The following WDR72 variants were observed in gnomAD, a reference collection of about 807,000 sequenced individuals.
WDR72 encodes the protein WD repeat-containing protein 72.
Under a neutral mutation model 124.2 loss-of-function variants are expected in WDR72, and 120 were observed. The observed-to-expected ratio is 0.97, with a 90% CI of 0.83 to 1.12. The LOEUF is 1.12. WDR72 is among the 50% of genes most tolerant of loss of function. The pLI is 0.00. For synonymous variants in WDR72, 452 were observed against 441.7 expected (o/e 1.02, Z -0.29); for missense variants, 1,387 against 1,278.8 (o/e 1.08, Z -1.29).
At chr15:53,528,292 T>C (rs1016462335) in intron 18 of WDR72, among the ~76,000 whole-genome samples, 2 of 152,070 alleles carry the variant, frequency 1.3e-5, no homozygotes, top group Non-Finnish European at 2.9e-5. Context: ...TTCCTGATTA[T>C]ATTTGAATAG....
intron 13 of WDR72, among the ~76,000 whole-genome samples, chr15:53,674,413 T>C (rs1043081314): frequency 9.2e-5 from 14 of 152,148 alleles, no homozygotes; most frequent in Admixed American, 5.9e-4. Context: ...CAGAAACACA[T>C]ATGGAGATCG....
At chr15:53,713,178 A>G (rs2017596319) in intron 6 of WDR72, among the ~76,000 whole-genome samples, 2 of 132,374 alleles carry the variant, frequency 1.5e-5, no homozygotes, top group Admixed American at 1.7e-4. Flanking sequence ...TAAAAAATAT[A>G]GGATGTATTT....
chr15:53,602,830 A>C (rs1159069493), intron 17 of WDR72, among the ~76,000 whole-genome samples: 1 of 152,140 alleles, frequency 6.6e-6, no homozygotes, highest in Non-Finnish European at 1.5e-5. Context: ...TCTGAAACTG[A>C]GGCAGTTAAA....
intron 8 of WDR72, 41 bp downstream of exon 8, chr15:53,711,295 T>G: frequency 6.2e-7 from 1 of 1,613,904 alleles, no homozygotes; most frequent in Non-Finnish European, 8.5e-7. Context: ...AAGTTCATTT[T>G]CTACCTGAAT....
chr15:53,627,045 G>A (rs1441007065), intron 14 of WDR72, among the ~76,000 whole-genome samples: 1 of 152,112 alleles, frequency 6.6e-6, no homozygotes, highest in Non-Finnish European at 1.5e-5. Context: ...TTTAGAAATT[G>A]TCTGATTTGA....
At position 53,529,584 on chromosome 15, in the gene WDR72, G is replaced by C. The variant is rs751798308; in HGVS notation, c.3149-6262C>G. Among the ~76,000 whole-genome samples the C allele has an allele frequency of 3.3e-5, 5 of 152,050 alleles. No homozygotes were observed. In the East Asian group the frequency reaches 7.7e-4, roughly 24 times the overall value. On this transcript the variant is annotated intron_variant, in intron 18 of 19. Transcript: ENST00000360509. ...GGAAGATTGGCATTTTCCTAAAAGAGAAAGTGTTCCTTCTTGGTTTCAGTT... is the reference window on the plus strand; with the variant it reads ...GGAAGATTGGCATTTTCCTAAAAGACAAAGTGTTCCTTCTTGGTTTCAGTT...
chr15:53,533,885 ATT>A (rs1017082365), intron 18 of WDR72, among the ~76,000 whole-genome samples: 3 of 151,912 alleles, frequency 2.0e-5, no homozygotes, highest in African/African-American at 7.3e-5. Context: ...AGTTAACATT[ATT>A]TTTTCTCCTC....
At chr15:53,681,827 CAATT>C (rs2016396574) in intron 13 of WDR72, among the ~76,000 whole-genome samples, 1 of 151,760 alleles carries the variant, frequency 6.6e-6, no homozygotes, top group Admixed American at 6.6e-5. Flanking sequence ...AATAATATCT[CAATT>C]AAAATGCACA....
At chr15:53,681,347 C>T (rs1384781913) in intron 13 of WDR72, among the ~76,000 whole-genome samples, 3 of 152,130 alleles carry the variant, frequency 2.0e-5, no homozygotes, top group African/African-American at 4.8e-5. Flanking sequence ...AACCCACTAA[C>T]GTTCCAAGTG....
At chr15:53,745,661 C>T (rs990519883) in intron 1 of WDR72, among the ~76,000 whole-genome samples, 1 of 152,108 alleles carries the variant, frequency 6.6e-6, no homozygotes, top group African/African-American at 2.4e-5. Flanking sequence ...ATGAGACATG[C>T]TTATAGAAAA....
At chr15:53,721,543 T>C (rs986357216) in intron 3 of WDR72, among the ~76,000 whole-genome samples, 22 of 152,184 alleles carry the variant, frequency 1.4e-4, no homozygotes, top group South Asian at 2.1e-4. Flanking sequence ...TTTAGACTTA[T>C]CCAAAGTTCA....
rs373985050 is a variant in WDR72 at position 53,515,485 on chromosome 15, G to A, written c.*2214C>T. 8 of 152,252 alleles carry A rather than the reference G, an allele frequency of 5.3e-5. No individual in the cohort carries two copies. The highest frequency in any genetic ancestry group is 1.7e-4 in the African/African-American group (7 of 41,556). 9.4% of individuals were successfully genotyped at this position (152,252 alleles called of 1,614,324 possible). ...GAATTTGTGTCATAAACACACTTGC[G>A]TATGGATATTAGGAGAGCATTGCTT... On this transcript the variant is annotated 3_prime_UTR_variant, in exon 20 of 20. Coordinates refer to ENST00000360509, the MANE Select transcript of WDR72 (RefSeq NM_182758.4).
At chr15:53,525,864 G>A (rs1175206218) in intron 18 of WDR72, among the ~76,000 whole-genome samples, 2 of 152,022 alleles carry the variant, frequency 1.3e-5, no homozygotes, top group Non-Finnish European at 2.9e-5. Flanking sequence ...ATAGTTCCTA[G>A]GGCATCCAAT....
chr15:53,609,707 T>C (rs2013451956), intron 16 of WDR72, 115 bp from the exon 17 acceptor site: 2 of 818,288 alleles, frequency 2.4e-6, no homozygotes, highest in Non-Finnish European at 4.1e-6. Flanking sequence ...TAAACACCAA[T>C]GCCCAGGTTC....
chr15:53,715,825 A>G (rs543133532), intron 4 of WDR72, among the ~76,000 whole-genome samples: 1 of 152,340 alleles, frequency 6.6e-6, no homozygotes, highest in East Asian at 1.9e-4. Context: ...CTTAAAGAGA[A>G]AAAATTAATA....
At chr15:53,560,248 T>C (rs1335646930) in intron 18 of WDR72, among the ~76,000 whole-genome samples, 1 of 151,928 alleles carries the variant, frequency 6.6e-6, no homozygotes, top group Non-Finnish European at 1.5e-5. Flanking sequence ...AGCTACTTTA[T>C]TATGGCCCAG....
chr15:53,596,438 G>A (rs543541507), intron 18 of WDR72, among the ~76,000 whole-genome samples: 30 of 152,104 alleles, frequency 2.0e-4, no homozygotes, highest in Admixed American at 1.5e-3. Flanking sequence ...CAGTGACGAA[G>A]TTTGTTATAA....
intron 18 of WDR72, among the ~76,000 whole-genome samples, chr15:53,527,128 T>C (rs2140221578): frequency 6.6e-6 from 1 of 152,180 alleles, no homozygotes; most frequent in East Asian, 1.9e-4. Context: ...ATGAAACCAA[T>C]AGTTTTTAAA....
intron 1 of WDR72, among the ~76,000 whole-genome samples, chr15:53,733,550 C>T (rs2018265756): frequency 1.3e-5 from 2 of 152,074 alleles, no homozygotes; most frequent in African/African-American, 4.8e-5. Context: ...ACTCTCTCTC[C>T]CTAGAAATGT....
Sources: gnomAD v4.1 joint callset for allele counts (sites outside exome capture counted in the v4.1 genomes callset) on GRCh38, gnomAD v4.1.1 for gene constraint, MANE v1.5 for transcripts, NCBI Gene and HGNC (gene_info 2026-07-23, HGNC 2026-07-21) for gene names.